MACROD1: variants seen among roughly 807,000 people sequenced by gnomAD.
The protein encoded by MACROD1 is mono-ADP ribosylhydrolase 1.
Under a neutral mutation model 41.4 loss-of-function variants are expected in MACROD1, and 31 were observed. The observed-to-expected ratio is 0.75, with a 90% CI of 0.56 to 1.01. The LOEUF (loss-of-function observed/expected upper bound fraction) is 1.01. Among genes scored for constraint, MACROD1 ranks in the 50% least tolerant of loss-of-function variants. The pLI is 0.00. For missense variants in MACROD1, 473 were observed against 460.0 expected (o/e 1.03, Z -0.26); for synonymous variants, 252 against 203.4 (o/e 1.24, Z -2.03).
intron 1 of MACROD1, among the ~76,000 whole-genome samples, chr11:64,160,117 G>A (rs1485552673): frequency 6.6e-6 from 1 of 152,148 alleles, no homozygotes; most frequent in Non-Finnish European, 1.5e-5. Context: ...CCGAGCAAAC[G>A]CCCGGGGAAG....
At chr11:64,025,908 C>A (rs929728001) in intron 3 of MACROD1, among the ~76,000 whole-genome samples, 1 of 151,902 alleles carries the variant, frequency 6.6e-6, no homozygotes, top group Non-Finnish European at 1.5e-5. Flanking sequence ...TCGGGCCGGG[C>A]GCCGTAACTC....
At chr11:64,086,860 G>A (rs1317067257) in intron 3 of MACROD1, 1 of 152,256 alleles carries the variant, frequency 6.6e-6, no homozygotes, top group East Asian at 1.9e-4. Context: ...GGCTGGGGAT[G>A]GAGCTGGGAG....
intron 3 of MACROD1, among the ~76,000 whole-genome samples, chr11:64,136,680 T>C (rs1351912797): frequency 6.6e-6 from 1 of 152,176 alleles, no homozygotes; most frequent in Non-Finnish European, 1.5e-5. Flanking sequence ...CACCGACCTG[T>C]GAGGGACCCG....
chr11:64,158,574 C>T (rs1945704657), intron 1 of MACROD1, among the ~76,000 whole-genome samples: 2 of 152,088 alleles, frequency 1.3e-5, no homozygotes, highest in African/African-American at 4.8e-5. Flanking sequence ...CCCAGCACAA[C>T]CTCCAAGCAG....
intron 3 of MACROD1, among the ~76,000 whole-genome samples, chr11:64,048,547 G>C (rs1266478905): frequency 1.3e-5 from 2 of 152,196 alleles, no homozygotes. Context: ...GGCTTGGAGA[G>C]GTGCAGAAGT....
At chr11:64,101,820 C>T (rs1284170829) in intron 3 of MACROD1, among the ~76,000 whole-genome samples, 5 of 152,134 alleles carry the variant, frequency 3.3e-5, no homozygotes, top group East Asian at 1.9e-4. Context: ...ATCGATGTCC[C>T]GTGGGGCTTG....
intron 3 of MACROD1, among the ~76,000 whole-genome samples, chr11:64,058,067 C>T (rs1428266058): frequency 1.3e-5 from 2 of 152,222 alleles, no homozygotes; most frequent in African/African-American, 2.4e-5. Flanking sequence ...CACTGGGCTG[C>T]GCTAGGAACA....
rs556198458 is a variant in MACROD1, at chr11:64,089,589, G to A, written c.517+61650C>T. On this transcript the variant is annotated intron_variant, in intron 3 of 10. Coordinates refer to ENST00000255681, the MANE Select transcript of MACROD1 (RefSeq NM_014067.4). Reference sequence around the variant, plus strand: ...CAGCCACGGACCAGAGAAAGCGGCTGAAAACTTGGGGAGACTGTTCTCAGA... The same window carrying A: ...CAGCCACGGACCAGAGAAAGCGGCTAAAAACTTGGGGAGACTGTTCTCAGA... 3.0e-4 allele frequency among the ~76,000 whole-genome samples: 45 copies of A among 152,344 alleles called. No individual in the cohort carries two copies. The East Asian group carries it at 8.5e-3, about 29-fold the overall frequency.
At chr11:64,026,135 T>C (rs1943221715) in intron 3 of MACROD1, among the ~76,000 whole-genome samples, 1 of 152,140 alleles carries the variant, frequency 6.6e-6, no homozygotes, top group African/African-American at 2.4e-5. Flanking sequence ...GAGCCGAGAT[T>C]GTGCCATTGC....
chr11:64,081,432 C>G (rs562147016), intron 3 of MACROD1, among the ~76,000 whole-genome samples: 3 of 152,304 alleles, frequency 2.0e-5, no homozygotes, highest in Admixed American at 2.0e-4. Context: ...GGGACCTGTC[C>G]CAGCTGTGAC....
intron 3 of MACROD1, among the ~76,000 whole-genome samples, chr11:64,086,516 G>A (rs1433310453): frequency 6.6e-6 from 1 of 151,166 alleles, no homozygotes; most frequent in Non-Finnish European, 1.5e-5. Flanking sequence ...CTAGCTGACC[G>A]CCCTGCCCCA....
intron 3 of MACROD1, among the ~76,000 whole-genome samples, chr11:64,128,115 C>T (rs1945213407): frequency 6.6e-6 from 1 of 151,922 alleles, no homozygotes; most frequent in Non-Finnish European, 1.5e-5. Flanking sequence ...CCCCACCCTC[C>T]TCCTCCATCC....
chr11:64,058,859 G>A (rs1943843434), intron 3 of MACROD1, among the ~76,000 whole-genome samples: 1 of 152,170 alleles, frequency 6.6e-6, no homozygotes, highest in South Asian at 2.1e-4. Context: ...TAGGACCAGT[G>A]ATAGGGGAGC....
intron 3 of MACROD1, among the ~76,000 whole-genome samples, chr11:64,092,857 C>T (rs530451233): frequency 4.6e-4 from 70 of 152,344 alleles, no homozygotes; most frequent in Admixed American, 2.6e-4. Context: ...TCACCAAAGA[C>T]AAAGTCAATG....
At chr11:64,116,925 G>A (rs1275778996) in intron 3 of MACROD1, 5 of 1,611,422 alleles carry the variant, frequency 3.1e-6, no homozygotes, top group Non-Finnish European at 4.2e-6. Context: ...TGCCTTCAAG[G>A]GCCTCAACAG....
At chr11:64,087,424 G>C (rs1016183111) in intron 3 of MACROD1, among the ~76,000 whole-genome samples, 1 of 152,192 alleles carries the variant, frequency 6.6e-6, no homozygotes, top group Non-Finnish European at 1.5e-5. Flanking sequence ...ACTCCGGGGT[G>C]CGTCTGCCTC....
At chr11:64,002,346 G>A (rs1468445465) in intron 4 of MACROD1, among the ~76,000 whole-genome samples, 4 of 152,214 alleles carry the variant, frequency 2.6e-5, no homozygotes. Context: ...TGCGGAAGTG[G>A]ACTGGCCTGC....
intron 2 of MACROD1, among the ~76,000 whole-genome samples, chr11:64,151,722 C>T: frequency 6.6e-6 from 1 of 152,208 alleles, no homozygotes; most frequent in East Asian, 1.9e-4. Context: ...CAAATCGCAG[C>T]TTCAAACCCC....
At chr11:64,162,689 C>G (rs985814208) in intron 1 of MACROD1, among the ~76,000 whole-genome samples, 3 of 151,338 alleles carry the variant, frequency 2.0e-5, no homozygotes, top group African/African-American at 7.3e-5. Flanking sequence ...GTGACGGGCA[C>G]CTGTAATCCC....
Sources: gnomAD v4.1 joint callset for allele counts (sites outside exome capture counted in the v4.1 genomes callset) on GRCh38, gnomAD v4.1.1 for gene constraint, MANE v1.5 for transcripts, NCBI Gene and HGNC (gene_info 2026-07-23, HGNC 2026-07-21) for gene names.